The following WLS variants were observed in gnomAD, a reference collection of about 807,000 sequenced individuals.
WLS encodes Wnt ligand secretion mediator, also known as protein wntless homolog.
In WLS, 23 loss-of-function variants were observed where a neutral mutation model predicts 62.8. The observed-to-expected ratio is 0.37, with a 90% CI of 0.26 to 0.52. The LOEUF is 0.52. Ranked by LOEUF, WLS falls within the 20% of genes least tolerant of loss-of-function variation. The pLI is 0.92. For missense variants in WLS, 615 were observed against 697.3 expected (o/e 0.88, Z 1.33); for synonymous variants, 246 against 244.1 (o/e 1.01, Z -0.07).
chr1:68,177,854 C>T (rs1470863309), intron 2 of WLS, among the ~76,000 whole-genome samples: 2 of 152,192 alleles, frequency 1.3e-5, no homozygotes, highest in Non-Finnish European at 2.9e-5. Context: ...GTAAAAGCCT[C>T]ACATACACTA....
chr1:68,164,820 G>A (rs1647037731), intron 2 of WLS, among the ~76,000 whole-genome samples: 1 of 152,168 alleles, frequency 6.6e-6, no homozygotes, highest in South Asian at 2.1e-4. Flanking sequence ...AAGATCCAAG[G>A]AGAGACTCTG....
chr1:68,184,942 C>T (rs1392578433), intron 2 of WLS, among the ~76,000 whole-genome samples: 1 of 151,948 alleles, frequency 6.6e-6, no homozygotes, highest in Non-Finnish European at 1.5e-5. Context: ...AACAAACAAA[C>T]AAGCAAACAA....
chr1:68,106,415 T>C (rs1443564497), intron 11 of WLS, among the ~76,000 whole-genome samples: 1 of 152,068 alleles, frequency 6.6e-6, no homozygotes, highest in African/African-American at 2.4e-5. Flanking sequence ...CTCTGCAGCT[T>C]GAGTGTTCCT....
At chr1:68,215,872 C>T (rs1485179891) in intron 1 of WLS, among the ~76,000 whole-genome samples, 2 of 152,196 alleles carry the variant, frequency 1.3e-5, no homozygotes, top group Non-Finnish European at 2.9e-5. Context: ...TAGTTTCACC[C>T]TCATCTCCTA....
In WLS at chr1:68,155,102, C is replaced by T; in HGVS notation, c.663G>A (p.Leu221=). 2 of 1,613,298 alleles carry T rather than the reference C, an allele frequency of 1.2e-6. No individual in the cohort carries two copies. The highest frequency in any genetic ancestry group is 1.7e-6 in the Non-Finnish European group (2 of 1,179,628). Residue 221 remains leucine (L), a synonymous_variant, in exon 4 of 12, where the codon TTG becomes TTA. Coordinates refer to ENST00000262348, the MANE Select transcript of WLS (RefSeq NM_024911.7). ...AAGATCAATTACATTCACTTACCACCAACCGGATATCCTTTATCTCCCCAA... is the reference window on the plus strand; with the variant it reads ...AAGATCAATTACATTCACTTACCACTAACCGGATATCCTTTATCTCCCCAA... ...VGIGEIKDIR[L]VGIHQNGGFT...
At chr1:68,231,007 C>T (rs1410394542) in intron 1 of WLS, among the ~76,000 whole-genome samples, 2 of 152,208 alleles carry the variant, frequency 1.3e-5, no homozygotes, top group African/African-American at 4.8e-5. Flanking sequence ...GAGAAAGCCC[C>T]TCCGTGGACT....
chr1:68,214,707 G>T (rs1649660893), intron 1 of WLS, among the ~76,000 whole-genome samples: 1 of 152,170 alleles, frequency 6.6e-6, no homozygotes, highest in Admixed American at 6.5e-5. Flanking sequence ...TCTTTTGGTT[G>T]TAAGAGACAG....
chr1:68,196,083 A>G (rs1648643935), intron 1 of WLS, among the ~76,000 whole-genome samples: 1 of 151,594 alleles, frequency 6.6e-6, no homozygotes, highest in Non-Finnish European at 1.5e-5. Context: ...CTGCTAGAGT[A>G]ACTCTCTTCC....
At chr1:68,163,696 G>A (rs1647020642) in intron 2 of WLS, among the ~76,000 whole-genome samples, 1 of 151,650 alleles carries the variant, frequency 6.6e-6, no homozygotes, top group South Asian at 2.1e-4. Flanking sequence ...CCACCACTAG[G>A]GTTATGAAAA....
chr1:68,111,261 A>G (rs1435018253), intron 11 of WLS, among the ~76,000 whole-genome samples: 1 of 152,232 alleles, frequency 6.6e-6, no homozygotes, highest in Non-Finnish European at 1.5e-5. Context: ...ACTTGGTTCT[A>G]GCATGTTCTG....
At chr1:68,143,240 G>A (rs191641031) in intron 10 of WLS, among the ~76,000 whole-genome samples, 16 of 152,204 alleles carry the variant, frequency 1.1e-4, no homozygotes, top group East Asian at 1.9e-4. Context: ...GGAGCAAGTC[G>A]TGTCCTAAGA....
chr1:68,166,804 C>T (rs1218536803), intron 2 of WLS, among the ~76,000 whole-genome samples: 1 of 152,176 alleles, frequency 6.6e-6, no homozygotes, highest in East Asian at 1.9e-4. Context: ...ACTTCCCGTG[C>T]AATCTGAAGC....
At chr1:68,200,066 T>C (rs1284138913) in intron 1 of WLS, among the ~76,000 whole-genome samples, 1 of 152,204 alleles carries the variant, frequency 6.6e-6, no homozygotes, top group East Asian at 1.9e-4. Flanking sequence ...AGGTAATTCC[T>C]GTTTATAAGA....
At chr1:68,162,998 G>A in intron 2 of WLS, 3 of 1,593,946 alleles carry the variant, frequency 1.9e-6, no homozygotes, top group Non-Finnish European at 2.6e-6. Flanking sequence ...GGGGGCAGGA[G>A]TGCAGGGGGC....
At chr1:68,107,614 C>T (rs938942026) in intron 11 of WLS, among the ~76,000 whole-genome samples, 1 of 150,832 alleles carries the variant, frequency 6.6e-6, no homozygotes. Flanking sequence ...AACTGTACCT[C>T]ACTCTGAGAG....
chr1:68,170,162 T>TTTTTTC (rs749310389), intron 2 of WLS, among the ~76,000 whole-genome samples: 16 of 111,942 alleles, frequency 1.4e-4, no homozygotes, highest in South Asian at 3.5e-4. Flanking sequence ...TACTATTTCT[T>TTTTTTC]TTTTTTTTTT....
intron 1 of WLS, among the ~76,000 whole-genome samples, chr1:68,209,309 C>G (rs1043399967): frequency 1.1e-4 from 17 of 152,182 alleles, no homozygotes; most frequent in Non-Finnish European, 2.1e-4. Context: ...TCAGAGTTTC[C>G]AACTACAGAG....
At chr1:68,146,971 C>T (rs1303397672) in intron 8 of WLS, among the ~76,000 whole-genome samples, 2 of 152,140 alleles carry the variant, frequency 1.3e-5, no homozygotes, top group Non-Finnish European at 2.9e-5. Context: ...CCACAACCTC[C>T]TCCTCCCAGG....
At position 68,125,811 on chromosome 1, in the gene WLS, C is replaced by G. The variant is rs920912345; in HGVS notation, c.*415G>C. On this transcript the variant is annotated 3_prime_UTR_variant, in exon 12 of 12. Coordinates refer to ENST00000262348, the MANE Select transcript of WLS (RefSeq NM_024911.7). ...ACACCAGCCTACCTTGGACTGGGACCGCAAAGGATGTTAAAATCTATCCTA... is the reference window on the plus strand; with the variant it reads ...ACACCAGCCTACCTTGGACTGGGACGGCAAAGGATGTTAAAATCTATCCTA... 39 of 1,003,246 alleles carry G rather than the reference C, an allele frequency of 3.9e-5. No individual in the cohort carries two copies. Among genetic ancestry groups the G allele is most frequent in the Non-Finnish European group, 4.4e-5 (37 of 841,000 alleles). The allele number at this position is 1,003,246 out of a possible 1,614,324, so 62.1% of individuals were successfully genotyped here.
Sources: gnomAD v4.1 joint callset for allele counts (sites outside exome capture counted in the v4.1 genomes callset) on GRCh38, gnomAD v4.1.1 for gene constraint, MANE v1.5 for transcripts, NCBI Gene and HGNC (gene_info 2026-07-23, HGNC 2026-07-21) for gene names.